The following MPPED2 variants were observed in gnomAD, a reference collection of about 807,000 sequenced individuals.
The protein encoded by MPPED2 is metallophosphoesterase domain containing 2.
MPPED2 carries 5 observed loss-of-function variants against 33.0 expected under a neutral mutation model. That is an observed-to-expected ratio of 0.15 (90% CI 0.08 to 0.32). MPPED2 has a LOEUF of 0.32. Among genes scored for constraint, MPPED2 ranks in the 10% least tolerant of loss-of-function variants. MPPED2 has a pLI of 1.00. For synonymous variants in MPPED2, 136 were observed against 141.9 expected, an observed-to-expected ratio of 0.96 and a Z score of 0.29; for missense variants, 275 against 372.1, an observed-to-expected ratio of 0.74 and a Z score of 2.15.
intron 1 of MPPED2, among the ~76,000 whole-genome samples, chr11:30,583,581 A>G (rs1213622379): frequency 6.6e-6 from 1 of 152,122 alleles, no homozygotes; most frequent in Non-Finnish European, 1.5e-5. Flanking sequence ...GACAGCAATC[A>G]CTTCTGTCCT....
At chr11:30,439,934 C>T (rs1304538508) in intron 4 of MPPED2, among the ~76,000 whole-genome samples, 10 of 152,194 alleles carry the variant, frequency 6.6e-5, no homozygotes, top group Admixed American at 6.5e-4. Context: ...ATCCTACAGG[C>T]AGAATTAGCA....
At chr11:30,574,690 G>A (rs2134853377) in intron 2 of MPPED2, among the ~76,000 whole-genome samples, 1 of 152,242 alleles carries the variant, frequency 6.6e-6, no homozygotes, top group South Asian at 2.1e-4. Context: ...AAAGAAAATA[G>A]AAGATTTGCA....
chr11:30,498,427 A>T (rs748631112), intron 3 of MPPED2, among the ~76,000 whole-genome samples: 4 of 152,006 alleles, frequency 2.6e-5, no homozygotes, highest in Non-Finnish European at 5.9e-5. Context: ...TCTACTAAAA[A>T]TACAAAAATT....
chr11:30,424,479 T>C (rs1226216120), intron 4 of MPPED2, among the ~76,000 whole-genome samples: 1 of 152,170 alleles, frequency 6.6e-6, no homozygotes, highest in African/African-American at 2.4e-5. Flanking sequence ...CTGGTTAAAA[T>C]CATACTGCAC....
At chr11:30,439,500 C>T (rs557392122) in intron 4 of MPPED2, among the ~76,000 whole-genome samples, 1 of 152,278 alleles carries the variant, frequency 6.6e-6, no homozygotes, top group Non-Finnish European at 1.5e-5. Flanking sequence ...TTTGCAGTGT[C>T]ACTATTATGT....
intron 4 of MPPED2, among the ~76,000 whole-genome samples, chr11:30,466,684 G>A (rs1346711252): frequency 6.6e-6 from 1 of 152,236 alleles, no homozygotes; most frequent in Non-Finnish European, 1.5e-5. Context: ...CCAAAGGTTA[G>A]ACCAGAAACT....
At chr11:30,497,097 C>T (rs1240502291) in intron 3 of MPPED2, among the ~76,000 whole-genome samples, 1 of 152,088 alleles carries the variant, frequency 6.6e-6, no homozygotes, top group Non-Finnish European at 1.5e-5. Flanking sequence ...TCTTTGGCCT[C>T]AGTTATTTGT....
At chr11:30,510,088 G>A (rs1365675909) in intron 3 of MPPED2, among the ~76,000 whole-genome samples, 3 of 152,114 alleles carry the variant, frequency 2.0e-5, no homozygotes, top group Admixed American at 2.0e-4. Context: ...TAACACCCAA[G>A]ACATATAGTC....
intron 3 of MPPED2, among the ~76,000 whole-genome samples, chr11:30,506,799 T>G (rs985658946): frequency 6.6e-6 from 1 of 152,238 alleles, no homozygotes; most frequent in Non-Finnish European, 1.5e-5. Flanking sequence ...TTGTAATAAC[T>G]ACTGTCATTT....
At chr11:30,479,563 G>T (rs886406182) in intron 4 of MPPED2, among the ~76,000 whole-genome samples, 1 of 151,980 alleles carries the variant, frequency 6.6e-6, no homozygotes, top group African/African-American at 2.4e-5. Flanking sequence ...AATAGTGTAA[G>T]CAGAAAAGTC....
At position 30,536,196 on chromosome 11, in the gene MPPED2, C is replaced by T. The variant is rs370317666; in HGVS notation, c.129-21G>A. 19 of 1,542,704 alleles carry T rather than the reference C, an allele frequency of 1.2e-5. No homozygotes were observed. The African/African-American group carries it at 2.6e-4, about 21-fold the overall frequency. ...CGACCCTAAAGTAGACATAACAGATCCCATAACAGTTAAACATATTAGAAC... is the reference window on the plus strand; with the variant it reads ...CGACCCTAAAGTAGACATAACAGATTCCATAACAGTTAAACATATTAGAAC... On this transcript the variant is annotated intron_variant, in intron 2 of 6. Transcript: ENST00000358117.
intron 3 of MPPED2, among the ~76,000 whole-genome samples, chr11:30,534,929 G>T (rs184992762): frequency 6.6e-6 from 1 of 151,998 alleles, no homozygotes; most frequent in African/African-American, 2.4e-5. Flanking sequence ...ATGCAAAAAC[G>T]TTTTAAGTCT....
At chr11:30,430,371 T>A (rs1377032272) in intron 4 of MPPED2, among the ~76,000 whole-genome samples, 1 of 152,228 alleles carries the variant, frequency 6.6e-6, no homozygotes, top group Admixed American at 6.5e-5. Flanking sequence ...AATACTTTAA[T>A]AGCTTTTATA....
intron 4 of MPPED2, among the ~76,000 whole-genome samples, chr11:30,484,011 T>C (rs1378866531): frequency 6.6e-6 from 1 of 152,232 alleles, no homozygotes; most frequent in Non-Finnish European, 1.5e-5. Context: ...TAGGAAAGAA[T>C]GAAAAATCAA....
intron 3 of MPPED2, among the ~76,000 whole-genome samples, chr11:30,504,221 CA>C (rs1323420725): frequency 6.6e-6 from 1 of 152,000 alleles, no homozygotes; most frequent in Non-Finnish European, 1.5e-5. Flanking sequence ...CCAGCAGGAA[CA>C]GGGAAAATGT....
chr11:30,395,781 AT>A (rs1247767067), intron 6 of MPPED2, among the ~76,000 whole-genome samples: 4 of 152,276 alleles, frequency 2.6e-5, no homozygotes, highest in African/African-American at 9.6e-5. Context: ...TTAAATGCCA[AT>A]TACCTGCTTG....
chr11:30,431,043 G>A (rs565069437), intron 4 of MPPED2, among the ~76,000 whole-genome samples: 1 of 152,216 alleles, frequency 6.6e-6, no homozygotes, highest in African/African-American at 2.4e-5. Flanking sequence ...TATATGCAAG[G>A]TGAGATGAAC....
chr11:30,446,882 T>C (rs1949836065), intron 4 of MPPED2, among the ~76,000 whole-genome samples: 1 of 152,178 alleles, frequency 6.6e-6, no homozygotes, highest in Non-Finnish European at 1.5e-5. Flanking sequence ...CAACAACTTA[T>C]AATGGAAATG....
chr11:30,464,268 A>AACACACAC (rs10660237), intron 4 of MPPED2, among the ~76,000 whole-genome samples: 16,836 of 145,874 alleles, frequency 0.12, 972 homozygotes, highest in Middle Eastern at 0.17. Flanking sequence ...AAAGGATACT[A>AACACACAC]ACACACACAC....
Sources: allele counts gnomAD v4.1 joint callset (sites outside exome capture counted in the v4.1 genomes callset), GRCh38; gene constraint gnomAD v4.1.1; transcripts MANE v1.5; gene names NCBI Gene and HGNC (gene_info 2026-07-23, HGNC 2026-07-21).